DNAJB6: variants seen among roughly 807,000 people sequenced by gnomAD.
The protein encoded by DNAJB6 is DnaJ heat shock protein family (Hsp40) member B6.
DNAJB6 carries 16 observed loss-of-function variants against 42.7 expected under a neutral mutation model. The ratio of observed to expected loss-of-function variants is 0.37; its 90% confidence interval spans 0.25 to 0.57. The LOEUF (loss-of-function observed/expected upper bound fraction) is 0.57. DNAJB6 is among the 20% of genes least tolerant of loss of function. The pLI is 0.74. For synonymous variants in DNAJB6, 170 were observed against 163.5 expected, an observed-to-expected ratio of 1.04 and a Z score of -0.30; for missense variants, 347 against 416.8, an observed-to-expected ratio of 0.83 and a Z score of 1.46.
At chr7:157,348,318 T>C (rs1798792749) in intron 1 of DNAJB6, among the ~76,000 whole-genome samples, 1 of 152,150 alleles carries the variant, frequency 6.6e-6, no homozygotes, top group Non-Finnish European at 1.5e-5. Context: ...GGTCTTGAAC[T>C]CCTGACCTCA....
At chr7:157,404,805 C>T (rs1018413082) in intron 8 of DNAJB6, among the ~76,000 whole-genome samples, 2 of 151,874 alleles carry the variant, frequency 1.3e-5, no homozygotes, top group Non-Finnish European at 2.9e-5. Flanking sequence ...CGTGCCTGGC[C>T]CAGATGGGGT....
At chr7:157,407,000 C>T (rs1337080047) in intron 8 of DNAJB6, among the ~76,000 whole-genome samples, 1 of 152,256 alleles carries the variant, frequency 6.6e-6, no homozygotes, top group Non-Finnish European at 1.5e-5. Flanking sequence ...GCGATGGCAG[C>T]CCCGGCTGAC....
chr7:157,397,224 T>C (rs954962750), intron 8 of DNAJB6, among the ~76,000 whole-genome samples: 7 of 152,202 alleles, frequency 4.6e-5, no homozygotes, highest in Admixed American at 4.6e-4. Context: ...TAAGCTGCGC[T>C]GAGGTGGTAA....
At chr7:157,414,346 C>T (rs1796056781) in intron 9 of DNAJB6, 1 of 152,310 alleles carries the variant, frequency 6.6e-6, no homozygotes, top group Non-Finnish European at 1.5e-5. Flanking sequence ...CCTCCAAGAG[C>T]TGGCTCTGCC....
At chr7:157,348,121 C>T (rs1445874370) in intron 1 of DNAJB6, among the ~76,000 whole-genome samples, 3 of 149,240 alleles carry the variant, frequency 2.0e-5, no homozygotes, top group Admixed American at 1.3e-4. Flanking sequence ...GAGATGGAGT[C>T]TTGCTCTGTG....
intron 6 of DNAJB6, 200 bp downstream of exon 6, chr7:157,382,577 T>G (rs1003784612): frequency 1.8e-5 from 7 of 398,776 alleles, no homozygotes; most frequent in African/African-American, 1.3e-4. Context: ...ATGTCGTGCT[T>G]GGAAATCTTC....
At chr7:157,388,365 A>G (rs1195702104) in intron 8 of DNAJB6, among the ~76,000 whole-genome samples, 1 of 152,204 alleles carries the variant, frequency 6.6e-6, no homozygotes, top group Non-Finnish European at 1.5e-5. Flanking sequence ...CAAGTAAGTG[A>G]TGGCTTGGAA....
intron 1 of DNAJB6, among the ~76,000 whole-genome samples, chr7:157,342,543 A>G (rs113440704): frequency 7.8e-4 from 119 of 152,006 alleles, no homozygotes; most frequent in African/African-American, 2.8e-3. Context: ...TGCCCTGTCC[A>G]ACTCCTGACC....
intron 8 of DNAJB6, among the ~76,000 whole-genome samples, chr7:157,405,463 C>T (rs943316298): frequency 6.6e-6 from 1 of 152,216 alleles, no homozygotes. Context: ...CTCCTTCCTC[C>T]TCGTGGTGAC....
chr7:157,381,791 A>G (rs1800791912), intron 5 of DNAJB6: 1 of 144,062 alleles, frequency 6.9e-6, no homozygotes, highest in Non-Finnish European at 1.5e-5. Context: ...CGCGCATGTT[A>G]GGGTAATCCA....
intron 1 of DNAJB6, among the ~76,000 whole-genome samples, chr7:157,351,183 C>G (rs999902911): frequency 6.6e-6 from 1 of 151,996 alleles, no homozygotes; most frequent in African/African-American, 2.4e-5. Context: ...ATCCGCCCCC[C>G]TCAGCCTGAG....
chr7:157,393,643 T>G (rs113773261), intron 8 of DNAJB6, among the ~76,000 whole-genome samples: 155 of 152,328 alleles, frequency 1.0e-3, no homozygotes, highest in African/African-American at 3.5e-3. Context: ...GTCATTTGTT[T>G]CGTGCACATT....
intron 5 of DNAJB6, 38 bp from the exon 6 acceptor site, chr7:157,382,208 A>C: frequency 2.0e-6 from 3 of 1,533,090 alleles, no homozygotes; most frequent in Non-Finnish European, 1.7e-6. Flanking sequence ...AAAACTTGAA[A>C]AAAAGACTTC....
intron 8 of DNAJB6, among the ~76,000 whole-genome samples, chr7:157,388,662 G>A (rs1000529546): frequency 1.3e-5 from 2 of 151,196 alleles, no homozygotes; most frequent in Admixed American, 6.6e-5. Context: ...GTGGTTTTTG[G>A]TGACGTAGAT....
At chr7:157,349,276 T>G (rs986314433) in intron 1 of DNAJB6, among the ~76,000 whole-genome samples, 1 of 152,176 alleles carries the variant, frequency 6.6e-6, no homozygotes. Context: ...ATAGTAAGTT[T>G]GTATGATTAA....
Position 157,357,224 on chromosome 7 carries a change from T to G in DNAJB6, c.-26-1323T>G, listed in dbSNP as rs1399282142. On this transcript the variant is annotated intron_variant, in intron 1 of 9. Transcript: ENST00000262177. ...TTGTGATACTGTTGTCCTTCCTTCC[T>G]TCCTTCCTTCCTTCCTTCCTTCCTT... Among the ~76,000 whole-genome samples the G allele has an allele frequency of 6.0e-5, 4 of 67,040 alleles. 1 individual carries two copies. Among genetic ancestry groups the G allele is most frequent in the Admixed American group, 3.2e-4 (2 of 6,226 alleles). 44.0% of individuals were successfully genotyped at this position (67,040 alleles called of 152,430 possible). A position where few individuals can be genotyped will look rare whatever the true frequency, so the allele number is the denominator to read the frequency against.
intron 1 of DNAJB6, among the ~76,000 whole-genome samples, chr7:157,352,537 G>C (rs556610071): frequency 6.6e-6 from 1 of 152,038 alleles, no homozygotes; most frequent in African/African-American, 2.4e-5. Context: ...ATTCCTGCTG[G>C]CTCCCTGGTG....
At chr7:157,346,862 TC>T (rs1798714722) in intron 1 of DNAJB6, among the ~76,000 whole-genome samples, 1 of 152,102 alleles carries the variant, frequency 6.6e-6, no homozygotes, top group South Asian at 2.1e-4. Flanking sequence ...TTCTTTTTTT[TC>T]TTGTTTTCTT....
In DNAJB6 at chr7:157,417,095, G is replaced by T. The variant is rs569902814; in HGVS notation, c.*997G>T. The T allele has an allele frequency of 6.6e-6, 1 of 152,314 alleles. No homozygotes were observed. 9.4% of individuals were successfully genotyped at this position (152,314 alleles called of 1,614,324 possible). On this transcript the variant is annotated 3_prime_UTR_variant, in exon 10 of 10. Coordinates refer to ENST00000262177, the MANE Select transcript of DNAJB6 (RefSeq NM_058246.4). Reference sequence around the variant, plus strand: ...CAGTGACTTTCCTTCCCTTTCACATGAGGATCTGCCGTTCATGTTGCTTTC... The same window carrying T: ...CAGTGACTTTCCTTCCCTTTCACATTAGGATCTGCCGTTCATGTTGCTTTC...
Sources: allele counts gnomAD v4.1 joint callset (sites outside exome capture counted in the v4.1 genomes callset), GRCh38; gene constraint gnomAD v4.1.1; transcripts MANE v1.5; gene names NCBI Gene and HGNC (gene_info 2026-07-23, HGNC 2026-07-21).